CTNNA3: variants seen among roughly 807,000 people sequenced by gnomAD.
The protein encoded by CTNNA3 is catenin alpha 3.
CTNNA3 carries 76 observed loss-of-function variants against 95.7 expected under a neutral mutation model. The observed-to-expected ratio is 0.79, with a 90% confidence interval of 0.66 to 0.96. CTNNA3 has a LOEUF of 0.96. Among genes scored for constraint, CTNNA3 ranks in the 40% least tolerant of loss-of-function variants. The pLI, the probability that CTNNA3 is intolerant of heterozygous loss-of-function variation, is 0.00. For synonymous variants in CTNNA3, 431 were observed against 374.4 expected, an observed-to-expected ratio of 1.15 and a Z score of -1.74; for missense variants, 1,191 against 1,089.8, an observed-to-expected ratio of 1.09 and a Z score of -1.31.
At chr10:66,141,006 C>T (rs1044409379) in intron 13 of CTNNA3, among the ~76,000 whole-genome samples, 7 of 152,158 alleles carry the variant, frequency 4.6e-5, no homozygotes, top group African/African-American at 7.2e-5. Context: ...CGCCTATAAT[C>T]GCAGCACTTT....
intron 16 of CTNNA3, among the ~76,000 whole-genome samples, chr10:65,972,909 A>AGG (rs1182816414): frequency 0.014 from 2,065 of 150,784 alleles, 51 homozygotes; most frequent in African/African-American, 0.048. Flanking sequence ...AGGGGGAAAA[A>AGG]AAAAAAAAAA....
At chr10:67,493,517 G>A (rs879508303) in intron 5 of CTNNA3, among the ~76,000 whole-genome samples, 12 of 146,796 alleles carry the variant, frequency 8.2e-5, no homozygotes, top group South Asian at 2.2e-4. Flanking sequence ...AGCAGAGATC[G>A]CACCACTGCA....
At chr10:67,725,634 A>C (rs1296923144) in intron 1 of CTNNA3, among the ~76,000 whole-genome samples, 2 of 152,030 alleles carry the variant, frequency 1.3e-5, no homozygotes, top group Non-Finnish European at 2.9e-5. Flanking sequence ...GAGCCAAGAT[A>C]ACCAAGGGAG....
intron 1 of CTNNA3, among the ~76,000 whole-genome samples, chr10:67,731,852 G>T (rs140613646): frequency 6.7e-6 from 1 of 148,534 alleles, no homozygotes; most frequent in East Asian, 1.9e-4. Context: ...CACATCATTA[G>T]TTTTTGTTGT....
In CTNNA3 at chr10:66,487,522, CG is replaced by C. The variant is rs1403381434; in HGVS notation, c.1531+33094del. ...ATTACAGGCGCGGAGCCACTGTGCCCGGCCTAAAAGGGCAGATTTTAAGTGT... is the reference window on the plus strand; with the variant it reads ...ATTACAGGCGCGGAGCCACTGTGCCCGCCTAAAAGGGCAGATTTTAAGTGT... On this transcript the variant is annotated intron_variant, in intron 11 of 17. Coordinates refer to ENST00000433211, the MANE Select transcript of CTNNA3 (RefSeq NM_013266.4). Among the ~76,000 whole-genome samples, 16 of 151,836 alleles carry C rather than the reference CG, an allele frequency of 1.1e-4. No individual in the cohort carries two copies. The South Asian group carries it at 2.1e-3, about 20-fold the overall frequency.
intron 7 of CTNNA3, among the ~76,000 whole-genome samples, chr10:67,009,540 T>C (rs1207135707): frequency 6.6e-6 from 1 of 151,986 alleles, no homozygotes; most frequent in Non-Finnish European, 1.5e-5. Flanking sequence ...TGTTTGTTTG[T>C]TTGCTTGTCC....
At chr10:66,427,622 A>C (rs547689568) in intron 11 of CTNNA3, among the ~76,000 whole-genome samples, 1 of 152,236 alleles carries the variant, frequency 6.6e-6, no homozygotes, top group East Asian at 1.9e-4. Context: ...TTGTAAACAG[A>C]GGTGGAACAA....
chr10:66,834,057 C>A (rs1641231050), intron 7 of CTNNA3, among the ~76,000 whole-genome samples: 1 of 152,156 alleles, frequency 6.6e-6, no homozygotes, highest in African/African-American at 2.4e-5. Context: ...TTCAATGACA[C>A]ACTCAGCTCC....
intron 7 of CTNNA3, among the ~76,000 whole-genome samples, chr10:67,021,046 T>G (rs1852978299): frequency 6.6e-6 from 1 of 152,174 alleles, no homozygotes; most frequent in African/African-American, 2.4e-5. Flanking sequence ...GTATTAAAAC[T>G]TCTCTTTGTT....
At chr10:66,456,836 G>A (rs750110538) in intron 11 of CTNNA3, among the ~76,000 whole-genome samples, 12 of 152,150 alleles carry the variant, frequency 7.9e-5, no homozygotes, top group Admixed American at 2.0e-4. Flanking sequence ...GCTCATGTCT[G>A]TAATCCTAGC....
intron 2 of CTNNA3, among the ~76,000 whole-genome samples, chr10:67,623,022 A>T (rs1843899795): frequency 6.6e-6 from 1 of 152,222 alleles, no homozygotes; most frequent in African/African-American, 2.4e-5. Context: ...GTGCCCTACA[A>T]GAACACTCTA....
chr10:67,074,798 A>C (rs1457055337), intron 7 of CTNNA3, among the ~76,000 whole-genome samples: 1 of 151,374 alleles, frequency 6.6e-6, no homozygotes, highest in African/African-American at 2.5e-5. Flanking sequence ...TCTTAATATT[A>C]TGAACATAAC....
At chr10:67,718,961 A>G (rs1293006962) in intron 1 of CTNNA3, among the ~76,000 whole-genome samples, 2 of 152,254 alleles carry the variant, frequency 1.3e-5, no homozygotes, top group African/African-American at 2.4e-5. Context: ...TAGGCTATTA[A>G]TTACTGCCTC....
chr10:67,331,361 C>T (rs1434192898), intron 5 of CTNNA3, among the ~76,000 whole-genome samples: 1 of 152,196 alleles, frequency 6.6e-6, no homozygotes, highest in Non-Finnish European at 1.5e-5. Context: ...ACATCACTTG[C>T]AGGCAGCAGG....
At chr10:67,613,648 C>A (rs758433329) in intron 2 of CTNNA3, among the ~76,000 whole-genome samples, 20 of 152,070 alleles carry the variant, frequency 1.3e-4, no homozygotes, top group Admixed American at 5.2e-4. Flanking sequence ...AACAAAGACA[C>A]GTTACATAAT....
intron 14 of CTNNA3, among the ~76,000 whole-genome samples, chr10:66,080,933 T>C (rs528228492): frequency 3.3e-5 from 5 of 152,278 alleles, no homozygotes; most frequent in South Asian, 2.1e-4. Context: ...AAGAAAGATA[T>C]TATATTTTGT....
chr10:66,065,860 T>TA (rs1006966390), intron 15 of CTNNA3, among the ~76,000 whole-genome samples: 3 of 151,846 alleles, frequency 2.0e-5, no homozygotes, highest in African/African-American at 2.4e-5. Flanking sequence ...TTATTATTAT[T>TA]TTATTTATTT....
At chr10:66,668,791 G>A (rs1273525075) in intron 9 of CTNNA3, among the ~76,000 whole-genome samples, 1 of 151,882 alleles carries the variant, frequency 6.6e-6, no homozygotes, top group Admixed American at 6.6e-5. Flanking sequence ...CAGCCTGGGC[G>A]ACAGAGTCAG....
At chr10:67,056,508 C>T (rs1345596001) in intron 7 of CTNNA3, among the ~76,000 whole-genome samples, 1 of 152,144 alleles carries the variant, frequency 6.6e-6, no homozygotes, top group Non-Finnish European at 1.5e-5. Flanking sequence ...AGATCCACTC[C>T]TGATCTGTAT....
Sources: gnomAD v4.1 joint callset for allele counts (sites outside exome capture counted in the v4.1 genomes callset) on GRCh38, gnomAD v4.1.1 for gene constraint, MANE v1.5 for transcripts, NCBI Gene and HGNC (gene_info 2026-07-23, HGNC 2026-07-21) for gene names.